Variants in ANKRD44 observed in about 807,000 individuals in gnomAD.
The protein encoded by ANKRD44 is ankyrin repeat domain 44, also known as serine/threonine-protein phosphatase 6 regulatory ankyrin repeat subunit B.
In ANKRD44, 35 loss-of-function variants were observed where a neutral mutation model predicts 116.0. The ratio of observed to expected loss-of-function variants is 0.30; its 90% CI spans 0.23 to 0.40. The LOEUF is 0.40. ANKRD44 is among the 10% of genes least tolerant of loss of function. The probability of loss-of-function intolerance (pLI) is 1.00; values close to 1 mark genes in which losing one functional copy is unlikely to be tolerated. For synonymous variants in ANKRD44, 435 were observed against 461.8 expected (o/e 0.94, Z 0.74); for missense variants, 1,014 against 1,242.6 (o/e 0.82, Z 2.77).
intron 16 of ANKRD44, 166 bp downstream of exon 16, chr2:197,078,537 C>G: frequency 6.8e-7 from 1 of 1,471,796 alleles, no homozygotes; most frequent in Non-Finnish European, 9.1e-7. Context: ...CAGCATGGTG[C>G]AGTAGAAAAA....
rs17391126 is a variant in ANKRD44 at position 197,255,863 on chromosome 2, C to T, written c.27+54715G>A. ...GAAGGACCCTGCGCTTCATGTAAGA[C>T]GTTCACCAAATAAAGAAATGTTTAA... On this transcript the variant is annotated intron_variant, in intron 1 of 27. Transcript: ENST00000282272. Among the ~76,000 whole-genome samples the T allele has an allele frequency of 4.3e-3, 662 of 152,352 alleles. 2 individuals are homozygous for T. Among genetic ancestry groups the T allele is most frequent in the Non-Finnish European group, 6.7e-3 (455 of 68,036 alleles).
chr2:197,031,751 A>G (rs1026966909), intron 16 of ANKRD44, among the ~76,000 whole-genome samples: 1 of 152,214 alleles, frequency 6.6e-6, no homozygotes, highest in Non-Finnish European at 1.5e-5. Flanking sequence ...CTATAATTAT[A>G]TTGGTAGTAT....
intron 26 of ANKRD44, 165 bp downstream of exon 26, chr2:196,995,214 G>A: frequency 2.5e-6 from 1 of 403,634 alleles, no homozygotes; most frequent in Admixed American, 4.4e-5. Flanking sequence ...AGCTTGGTCA[G>A]CACTTGTAGG....
chr2:197,054,904 A>G lies in ANKRD44; in HGVS notation c.1650+23799T>C, dbSNP rs557856976. 8.5e-5 allele frequency among the ~76,000 whole-genome samples: 13 copies of G among 152,276 alleles called. No homozygotes were observed. The East Asian group carries it at 1.9e-3, about 23-fold the overall frequency. ...ATTAGCCCAAGGTAAATTGAGGAAA[A>G]GAGGCAGTTATTTGGACCAATAGGC... is the stretch of plus-strand genomic sequence containing the variant. On this transcript the variant is annotated intron_variant, in intron 16 of 27. Transcript: ENST00000282272.
rs771071088 is a variant in ANKRD44 at position 197,310,578 on chromosome 2, C to T, written c.27G>A (p.Gln9=). 2 of 1,244,936 alleles carry T rather than the reference C, an allele frequency of 1.6e-6. No individual in the cohort carries two copies. Among genetic ancestry groups the T allele is most frequent in the South Asian group, 3.6e-5 (2 of 56,006 alleles). The allele number at this position is 1,244,936 out of a possible 1,614,324, so 77.1% of individuals were successfully genotyped here. ...GCCCGCCGGCGCCGCCGCCCGCTACCTGGTCGGTGAGTTTGAGCACTGCCA... is the reference window on the plus strand; with the variant it reads ...GCCCGCCGGCGCCGCCGCCCGCTACTTGGTCGGTGAGTTTGAGCACTGCCA... MAVLKLTD[Q]PPLVQAIFSG... The change falls in exon 1 of 28, where the codon CAG becomes CAA. Residue 9 remains glutamine, a splice_region_variant and synonymous_variant. Transcript: ENST00000282272.
At chr2:197,310,189 T>C (rs1259970921) in intron 1 of ANKRD44, among the ~76,000 whole-genome samples, 1 of 152,066 alleles carries the variant, frequency 6.6e-6, no homozygotes, top group Admixed American at 6.5e-5. Context: ...TTTCTCCCTC[T>C]TCGTGCAGCG....
chr2:197,300,251 A>T (rs898257161), intron 1 of ANKRD44, among the ~76,000 whole-genome samples: 1 of 152,184 alleles, frequency 6.6e-6, no homozygotes, highest in Non-Finnish European at 1.5e-5. Flanking sequence ...TGCAAATTGG[A>T]TATTTCCTTA....
Position 197,125,987 on chromosome 2 carries a change from G to T in ANKRD44, c.312C>A (p.Asp104Glu). 1 of 1,614,252 alleles carries T rather than the reference G, an allele frequency of 6.2e-7. No homozygotes were observed. The highest frequency in any genetic ancestry group is 1.3e-5 in the African/African-American group (1 of 75,060). Residue 104 changes from aspartate (D) to glutamate (E), a missense_variant, in exon 5 of 28, where the codon GAC (aspartate) becomes GAA (glutamate). Asp to Glu is a conservative substitution (Grantham distance 45, BLOSUM62 2). Coordinates refer to ENST00000282272, the MANE Select transcript of ANKRD44 (RefSeq NM_001195144.2). Reference protein sequence around the residue: ...IKHSADVNARDKNWQTPLHVA... With the variant: ...IKHSADVNAREKNWQTPLHVA... ...CATGAAGAGGGGTCTGCCAGTTCTT[G>T]TCCCTTGCATTGACATCAGCTGAGT...
intron 15 of ANKRD44, among the ~76,000 whole-genome samples, chr2:197,081,057 C>T (rs2077782537): frequency 6.6e-6 from 1 of 152,198 alleles, no homozygotes; most frequent in Admixed American, 6.5e-5. Context: ...CGTGCATCTA[C>T]AGCCCTGAGT....
At chr2:197,095,645 A>G (rs2078144216) in intron 10 of ANKRD44, among the ~76,000 whole-genome samples, 1 of 152,216 alleles carries the variant, frequency 6.6e-6, no homozygotes, top group South Asian at 2.1e-4. Context: ...GAGGGTCCAG[A>G]TCCAGTAGAC....
At chr2:197,068,296 G>T (rs990527086) in intron 16 of ANKRD44, among the ~76,000 whole-genome samples, 1 of 136,184 alleles carries the variant, frequency 7.3e-6, no homozygotes, top group African/African-American at 2.7e-5. Flanking sequence ...CACCAGCATG[G>T]CACATGTATA....
At chr2:197,308,578 C>T (rs565607820) in intron 1 of ANKRD44, among the ~76,000 whole-genome samples, 2 of 152,282 alleles carry the variant, frequency 1.3e-5, no homozygotes, top group South Asian at 4.1e-4. Context: ...CTTAAAACGC[C>T]TTAGGTTCTT....
At chr2:196,973,860 G>A (rs142569798) in intron 21 of ANKRD44, among the ~76,000 whole-genome samples, 41 of 152,048 alleles carry the variant, frequency 2.7e-4, no homozygotes, top group Non-Finnish European at 4.4e-4. Context: ...GTTTCATGAC[G>A]TTAAACATAC....
In ANKRD44 at chr2:197,246,389, C is replaced by T. The variant is rs573314727; in HGVS notation, c.28-59283G>A. On this transcript the variant is annotated intron_variant, in intron 1 of 27. Transcript: ENST00000282272. ...TTTTTTTTTTTTAGAGATGGGGTAT[C>T]GCTGTGTTGCCCAGGCTGGTCTTGA... Among the ~76,000 whole-genome samples, 72 of 95,902 alleles carry T rather than the reference C, an allele frequency of 7.5e-4. 1 individual carries two copies. The South Asian group carries it at 0.025, about 33-fold the overall frequency. 62.9% of individuals were successfully genotyped at this position (95,902 alleles called of 152,430 possible).
intron 1 of ANKRD44, among the ~76,000 whole-genome samples, chr2:197,248,576 G>GTATA (rs1318550760): frequency 0.018 from 1,991 of 110,472 alleles, 19 homozygotes; most frequent in Non-Finnish European, 0.025. Context: ...GTGTGTGTGT[G>GTATA]TGTATATATA....
intron 16 of ANKRD44, among the ~76,000 whole-genome samples, chr2:197,042,198 C>G (rs2076922747): frequency 6.6e-6 from 1 of 152,040 alleles, no homozygotes; most frequent in Non-Finnish European, 1.5e-5. Context: ...CCACCTTAGC[C>G]ACACACTATC....
rs1052109754 is a variant in ANKRD44, at chr2:197,265,306, G to T, written c.27+45272C>A. Among the ~76,000 whole-genome samples the T allele has an allele frequency of 2.2e-4, 33 of 151,684 alleles. 1 individual carries two copies. The highest frequency in any genetic ancestry group is 7.8e-4 in the African/African-American group (32 of 41,274). On this transcript the variant is annotated intron_variant, in intron 1 of 27. Coordinates refer to ENST00000282272, the MANE Select transcript of ANKRD44 (RefSeq NM_001195144.2). ...CTGTCAGCCAGGCTGAAGTGCAGTG[G>T]CATGATCTCAGCTCACTGCAACCTC...
intron 1 of ANKRD44, among the ~76,000 whole-genome samples, chr2:197,275,527 T>G (rs1292008458): frequency 2.6e-5 from 4 of 152,020 alleles, no homozygotes; most frequent in Non-Finnish European, 1.5e-5. Context: ...TGGTAGTTCA[T>G]TCATTTACTT....
At chr2:197,283,581 C>T (rs1415373968) in intron 1 of ANKRD44, among the ~76,000 whole-genome samples, 2 of 152,110 alleles carry the variant, frequency 1.3e-5, no homozygotes, top group African/African-American at 4.8e-5. Flanking sequence ...AAAATAATTA[C>T]AGCCTTAATA....
Sources: allele counts gnomAD v4.1 joint callset (sites outside exome capture counted in the v4.1 genomes callset), GRCh38; gene constraint gnomAD v4.1.1; transcripts MANE v1.5; gene names NCBI Gene and HGNC (gene_info 2026-07-23, HGNC 2026-07-21).